Variants in BRINP3 observed in about 807,000 individuals in gnomAD.
The protein encoded by BRINP3 is BMP/retinoic acid inducible neural specific 3.
A neutral mutation model predicts 71.0 loss-of-function variants in BRINP3; 19 were observed. The observed-to-expected ratio is 0.27, with a 90% CI of 0.19 to 0.39. BRINP3 has a LOEUF of 0.39. BRINP3 is among the 10% of genes least tolerant of loss of function. The pLI, the probability that BRINP3 is intolerant of heterozygous loss-of-function variation, is 1.00. For missense variants in BRINP3, 959 were observed against 940.8 expected (o/e 1.02, Z -0.25); for synonymous variants, 380 against 337.7 (o/e 1.13, Z -1.37).
chr1:190,305,422 TA>T (rs1353277229), intron 2 of BRINP3, among the ~76,000 whole-genome samples: 6 of 151,718 alleles, frequency 4.0e-5, no homozygotes, highest in Non-Finnish European at 5.9e-5. Context: ...TATTCAGGCA[TA>T]AAAAAACTCC....
intron 2 of BRINP3, among the ~76,000 whole-genome samples, chr1:190,389,493 T>A (rs1031983316): frequency 1.2e-4 from 18 of 151,854 alleles, no homozygotes; most frequent in African/African-American, 3.9e-4. Flanking sequence ...AAATTTAGTC[T>A]CATTAACTTG....
chr1:190,265,395 T>A (rs958127516), intron 3 of BRINP3, among the ~76,000 whole-genome samples: 1 of 151,966 alleles, frequency 6.6e-6, no homozygotes, highest in African/African-American at 2.4e-5. Context: ...GTGAGGGGCA[T>A]AAAATGAAAC....
chr1:190,173,453 C>T (rs1021495127), intron 6 of BRINP3, among the ~76,000 whole-genome samples: 4 of 152,130 alleles, frequency 2.6e-5, no homozygotes, highest in African/African-American at 9.7e-5. Context: ...AGGAAAAAGT[C>T]AAGAGAAAGG....
intron 7 of BRINP3, among the ~76,000 whole-genome samples, chr1:190,150,266 ATGTGTGTG>A (rs10640861): frequency 7.8e-6 from 1 of 128,128 alleles, no homozygotes. Context: ...GTGCATATCT[ATGTGTGTG>A]TGTGTGTGTG....
chr1:190,210,671 TA>T (rs1467051292), intron 6 of BRINP3, among the ~76,000 whole-genome samples: 1 of 152,072 alleles, frequency 6.6e-6, no homozygotes, highest in Non-Finnish European at 1.5e-5. Context: ...AATACCTGTA[TA>T]AAAATTTAAA....
chr1:190,134,998 T>C (rs1364958457), intron 7 of BRINP3, among the ~76,000 whole-genome samples: 1 of 152,074 alleles, frequency 6.6e-6, no homozygotes, highest in Non-Finnish European at 1.5e-5. Flanking sequence ...AGGATGATTT[T>C]AGCATCTAGA....
In BRINP3 at chr1:190,140,154, T is replaced by C. The variant is rs544697432; in HGVS notation, c.1184+20514A>G. Among the ~76,000 whole-genome samples, 3 of 152,250 alleles carry C rather than the reference T, an allele frequency of 2.0e-5. No homozygotes were observed. The East Asian group carries it at 5.8e-4, about 29-fold the overall frequency. Reference sequence around the variant, plus strand: ...AAAAAACAGCTAAGCTGCACTTAATTTGAGTATTTTTTATTTTGTGAAACA... The same window carrying C: ...AAAAAACAGCTAAGCTGCACTTAATCTGAGTATTTTTTATTTTGTGAAACA... On this transcript the variant is annotated intron_variant, in intron 7 of 7. Coordinates refer to ENST00000367462, the MANE Select transcript of BRINP3 (RefSeq NM_199051.3).
chr1:190,310,726 C>G (rs2103023930), intron 2 of BRINP3, among the ~76,000 whole-genome samples: 1 of 151,804 alleles, frequency 6.6e-6, no homozygotes, highest in African/African-American at 2.4e-5. Context: ...ATTCATAGAA[C>G]AGTTCCCTTT....
chr1:190,370,776 T>C (rs1441200801), intron 2 of BRINP3, among the ~76,000 whole-genome samples: 2 of 152,228 alleles, frequency 1.3e-5, no homozygotes, highest in Non-Finnish European at 2.9e-5. Flanking sequence ...GCCTAGAGTG[T>C]TCACTTTTCT....
chr1:190,160,562 A>C, intron 7 of BRINP3, 106 bp downstream of exon 7: 1 of 834,880 alleles, frequency 1.2e-6, no homozygotes, highest in South Asian at 1.8e-5. Context: ...TAATAGTATA[A>C]ATTAGATCAT....
chr1:190,111,040 T>TGGTGTTGGGCGC (rs1652626107), intron 7 of BRINP3, among the ~76,000 whole-genome samples: 1 of 151,276 alleles, frequency 6.6e-6, no homozygotes, highest in African/African-American at 2.4e-5. Flanking sequence ...TAGCCGGGCG[T>TGGTGTTGGGCGC]GGTGTTGGGC....
chr1:190,321,743 A>G (rs1666261177), intron 2 of BRINP3, among the ~76,000 whole-genome samples: 1 of 152,086 alleles, frequency 6.6e-6, no homozygotes, highest in African/African-American at 2.4e-5. Flanking sequence ...TTTGTTTTTG[A>G]AAATTATTAT....
intron 2 of BRINP3, among the ~76,000 whole-genome samples, chr1:190,412,456 G>GT (rs1159554984): frequency 1.6e-3 from 192 of 119,306 alleles, no homozygotes; most frequent in South Asian, 0.013. Flanking sequence ...GTTTTGTTTT[G>GT]TTTTTTTTTG....
At chr1:190,160,643 G>T in intron 7 of BRINP3, 25 bp downstream of exon 7, 1 of 1,591,448 alleles carries the variant, frequency 6.3e-7, no homozygotes, top group East Asian at 2.2e-5. Flanking sequence ...AAACTTAATT[G>T]CTTACATTAC....
At chr1:190,207,242 T>A (rs1036193233) in intron 6 of BRINP3, among the ~76,000 whole-genome samples, 6 of 152,122 alleles carry the variant, frequency 3.9e-5, no homozygotes, top group Non-Finnish European at 7.4e-5. Context: ...GAGGCAAGAC[T>A]TCATGCTTCA....
intron 7 of BRINP3, among the ~76,000 whole-genome samples, chr1:190,118,578 A>C (rs779075328): frequency 3.9e-5 from 6 of 152,130 alleles, no homozygotes; most frequent in African/African-American, 7.2e-5. Context: ...CATTTCACAG[A>C]AAAGTGAATC....
At chr1:190,232,778 T>C (rs1658118153) in intron 5 of BRINP3, among the ~76,000 whole-genome samples, 1 of 152,108 alleles carries the variant, frequency 6.6e-6, no homozygotes, top group Non-Finnish European at 1.5e-5. Context: ...AAATAATTTT[T>C]ATAATAAACT....
chr1:190,383,337 C>A (rs1341540794), intron 2 of BRINP3, among the ~76,000 whole-genome samples: 2 of 152,012 alleles, frequency 1.3e-5, no homozygotes, highest in Non-Finnish European at 2.9e-5. Flanking sequence ...TAATTATGAG[C>A]ACATACAGAA....
chr1:190,116,161 A>G (rs919897263), intron 7 of BRINP3, among the ~76,000 whole-genome samples: 3 of 152,102 alleles, frequency 2.0e-5, no homozygotes, highest in African/African-American at 7.2e-5. Flanking sequence ...GCTACAATAG[A>G]TTCTGGCAGC....
Sources: allele counts gnomAD v4.1 joint callset (sites outside exome capture counted in the v4.1 genomes callset), GRCh38; gene constraint gnomAD v4.1.1; transcripts MANE v1.5; gene names NCBI Gene and HGNC (gene_info 2026-07-23, HGNC 2026-07-21).